Variants in LPIN1 observed in about 807,000 individuals in gnomAD.
LPIN1 encodes the protein lipin 1, also known as phosphatidate phosphatase LPIN1.
LPIN1 carries 71 observed loss-of-function variants against 107.5 expected under a neutral mutation model. The ratio of observed to expected loss-of-function variants is 0.66; its 90% CI spans 0.55 to 0.80. LPIN1 has a LOEUF of 0.80. Ranked by LOEUF, LPIN1 falls within the 30% of genes least tolerant of loss-of-function variation. The pLI is 0.00. For synonymous variants in LPIN1, 445 were observed against 452.6 expected (o/e 0.98, Z 0.21); for missense variants, 1,043 against 1,160.6 (o/e 0.90, Z 1.47).
At chr2:11,814,512 A>G (rs868397754) in intron 17 of LPIN1, among the ~76,000 whole-genome samples, 1,701 of 138,550 alleles carry the variant, frequency 0.012, 55 homozygotes, top group Middle Eastern at 0.063. Context: ...GTGTGTGTGC[A>G]TGTGTGTGTG....
chr2:11,712,493 G>T (rs978940435), intron 1 of LPIN1, among the ~76,000 whole-genome samples: 3 of 152,150 alleles, frequency 2.0e-5, no homozygotes, highest in Non-Finnish European at 4.4e-5. Context: ...AGTGACTTAC[G>T]GACAAGATTT....
At chr2:11,738,027 A>C (rs531754050) in intron 1 of LPIN1, among the ~76,000 whole-genome samples, 172 of 152,362 alleles carry the variant, frequency 1.1e-3, no homozygotes, top group African/African-American at 3.5e-3. Flanking sequence ...AAAAAGTGGC[A>C]CATATACACC....
chr2:11,720,961 C>G (rs1664090091), upstream of LPIN1, among the ~76,000 whole-genome samples: 1 of 151,996 alleles, frequency 6.6e-6, no homozygotes, highest in African/African-American at 2.4e-5. Context: ...TGCCCACGCC[C>G]TGCTCTCTGA....
At chr2:11,781,705 G>C (rs141292195) in intron 7 of LPIN1, among the ~76,000 whole-genome samples, 1 of 152,208 alleles carries the variant, frequency 6.6e-6, no homozygotes, top group Non-Finnish European at 1.5e-5. Context: ...GAACAGATCT[G>C]TGCAGCGTGC....
Position 11,692,988 on chromosome 2 carries a change from A to G in LPIN1, c.81+15260A>G, listed in dbSNP as rs190068578. The stretch of plus-strand genomic sequence containing the variant: ...TTGGAGAGAAATATTATTTTTGGGT[A>G]GGGACTGGCCAAATCCTACCCTAGA... On this transcript the variant is annotated intron_variant, in intron 1 of 21. Coordinates refer to the LPIN1 transcript ENST00000449576. Among the ~76,000 whole-genome samples, 5 of 152,226 alleles carry G rather than the reference A, an allele frequency of 3.3e-5. No individual in the cohort carries two copies. In the East Asian group the frequency reaches 9.7e-4, roughly 29 times the overall value.
intron 1 of LPIN1, chr2:11,713,678 G>C (rs1226455853): frequency 1.2e-6 from 1 of 835,318 alleles, no homozygotes; most frequent in African/African-American, 1.7e-5. Flanking sequence ...TAGTATATTG[G>C]CAAAGTTATG....
intron 1 of LPIN1, chr2:11,681,430 C>T (rs1661706712): frequency 6.5e-6 from 1 of 153,660 alleles, no homozygotes; most frequent in African/African-American, 2.4e-5. Context: ...CTATTGTCTT[C>T]CTCTTCCTCC....
intron 11 of LPIN1, among the ~76,000 whole-genome samples, chr2:11,787,880 G>A (rs796232601): frequency 6.7e-4 from 101 of 151,612 alleles, no homozygotes; most frequent in African/African-American, 2.4e-3. Context: ...GTCGGAAGTT[G>A]CAGTGAGCCA....
intron 1 of LPIN1, among the ~76,000 whole-genome samples, chr2:11,695,760 G>T (rs544765305): frequency 1.3e-5 from 2 of 152,214 alleles, no homozygotes; most frequent in Admixed American, 6.5e-5. Flanking sequence ...TGATTTATTG[G>T]CAGTTCAGAT....
intron 2 of LPIN1, among the ~76,000 whole-genome samples, chr2:11,714,273 G>A (rs1261435435): frequency 3.3e-5 from 5 of 152,144 alleles, no homozygotes; most frequent in South Asian, 2.1e-4. Flanking sequence ...TCCTCCCACC[G>A]CAGCCTCTTT....
intron 1 of LPIN1, among the ~76,000 whole-genome samples, chr2:11,751,143 G>A (rs915289625): frequency 1.3e-5 from 2 of 152,200 alleles, no homozygotes; most frequent in Non-Finnish European, 2.9e-5. Context: ...TGGCAGGAAC[G>A]TGAGAACAAG....
intron 7 of LPIN1, 141 bp from the exon 8 acceptor site, chr2:11,782,060 T>C: frequency 7.1e-6 from 5 of 707,160 alleles, no homozygotes; most frequent in Non-Finnish European, 7.5e-6. Context: ...TTGGCAGGTA[T>C]AGAAATCACC....
chr2:11,747,687 G>T (rs1329356518), intron 1 of LPIN1, among the ~76,000 whole-genome samples: 1 of 152,210 alleles, frequency 6.6e-6, no homozygotes, highest in Non-Finnish European at 1.5e-5. Context: ...AAAGTAAGCA[G>T]TTGAGGAATG....
upstream of LPIN1, among the ~76,000 whole-genome samples, chr2:11,719,792 T>TTC (rs998320100): frequency 1.7e-3 from 12 of 6,938 alleles, no homozygotes; most frequent in Non-Finnish European, 0.047. Context: ...CAATTGCTTC[T>TTC]TTTTTTTTTT....
At chr2:11,796,149 T>G (rs573584182) in intron 14 of LPIN1, among the ~76,000 whole-genome samples, 1 of 152,398 alleles carries the variant, frequency 6.6e-6, no homozygotes, top group East Asian at 1.9e-4. Context: ...ACAGTATTCC[T>G]GTGCTTAAGA....
intron 1 of LPIN1, among the ~76,000 whole-genome samples, chr2:11,756,935 T>C (rs369833497): frequency 6.6e-6 from 1 of 152,216 alleles, no homozygotes; most frequent in Admixed American, 6.5e-5. Context: ...CGATGTCACA[T>C]TGAAAAAACT....
intron 1 of LPIN1, among the ~76,000 whole-genome samples, chr2:11,757,654 T>C (rs995123286): frequency 6.6e-6 from 1 of 152,132 alleles, no homozygotes; most frequent in Non-Finnish European, 1.5e-5. Context: ...CCCCGGTCCC[T>C]TAAAGGGCAT....
At chr2:11,742,796 A>G (rs1212777297), upstream of LPIN1, among the ~76,000 whole-genome samples, 1 of 152,204 alleles carries the variant, frequency 6.6e-6, no homozygotes, top group African/African-American at 2.4e-5. Context: ...CTCTGGCTTC[A>G]TCCAGTGGGA....
intron 14 of LPIN1, among the ~76,000 whole-genome samples, chr2:11,799,600 G>C (rs1363011173): frequency 3.3e-5 from 5 of 152,012 alleles, no homozygotes; most frequent in African/African-American, 1.2e-4. Context: ...GTAGGTGTTA[G>C]AACTGGAAGG....
Sources: gnomAD v4.1 joint callset for allele counts (sites outside exome capture counted in the v4.1 genomes callset) on GRCh38, gnomAD v4.1.1 for gene constraint, MANE v1.5 for transcripts, NCBI Gene and HGNC (gene_info 2026-07-23, HGNC 2026-07-21) for gene names.